The following PGAP1 variants were observed in gnomAD, a reference collection of about 807,000 sequenced individuals.
The protein encoded by PGAP1 is GPI inositol-deacylase.
Under a neutral mutation model 127.0 loss-of-function variants are expected in PGAP1, and 76 were observed. The ratio of observed to expected loss-of-function variants is 0.60; its 90% CI spans 0.50 to 0.72. The LOEUF is 0.72. Among genes scored for constraint, PGAP1 ranks in the 30% least tolerant of loss-of-function variants. The pLI, the probability that PGAP1 is intolerant of heterozygous loss-of-function variation, is 0.00. For synonymous variants in PGAP1, 362 were observed against 366.5 expected, an observed-to-expected ratio of 0.99 and a Z score of 0.14; for missense variants, 982 against 1,071.3, an observed-to-expected ratio of 0.92 and a Z score of 1.16.
intron 20 of PGAP1, among the ~76,000 whole-genome samples, chr2:196,860,153 T>C (rs566615970): frequency 1.6e-4 from 24 of 152,296 alleles, no homozygotes; most frequent in African/African-American, 5.5e-4. Flanking sequence ...TTGTTTTTTT[T>C]TGAACTCAGT....
rs374426820 is a variant in PGAP1 at position 196,916,529 on chromosome 2, G to C, written c.366C>G (p.Asp122Glu). The change falls in exon 3 of 27, where the codon GAC (aspartate) becomes GAG (glutamate). Residue 122 changes from aspartate to glutamate, a missense_variant. Transcript: ENST00000354764. ...CTTCATTGAAGTTCACACTAAAGAA[G>C]TCAAAGTGGTACTTGAAGTCAATGT... ...AEDIDFKYHFDFFSVNFNEEL... is the reference protein window; with the variant it reads ...AEDIDFKYHFEFFSVNFNEEL... 6.2e-7 allele frequency: 1 copy of C among 1,613,532 alleles called. No homozygotes were observed. The highest frequency in any genetic ancestry group is 8.5e-7 in the Non-Finnish European group (1 of 1,179,742).
At chr2:196,889,430 ATCTTGGT>A in intron 10 of PGAP1, among the ~76,000 whole-genome samples, 1 of 152,190 alleles carries the variant, frequency 6.6e-6, no homozygotes, top group South Asian at 2.1e-4. Context: ...AAAGTAATAG[ATCTTGGT>A]TCTAAATAAA....
At chr2:196,895,250 C>T (rs1030452753) in intron 7 of PGAP1, among the ~76,000 whole-genome samples, 2 of 152,114 alleles carry the variant, frequency 1.3e-5, no homozygotes, top group African/African-American at 4.8e-5. Flanking sequence ...GTTCTTTTCT[C>T]ATCTTACAAG....
chr2:196,926,437 G>A, intron 1 of PGAP1, 33 bp downstream of exon 1: 5 of 1,613,438 alleles, frequency 3.1e-6, no homozygotes, highest in Non-Finnish European at 3.4e-6. Context: ...CAGAGTCTTG[G>A]AGCGCCCGGC....
chr2:196,902,404 C>CATTCATTT (rs1488687875), intron 5 of PGAP1, among the ~76,000 whole-genome samples, 181 bp downstream of exon 5: 2 of 152,040 alleles, frequency 1.3e-5, no homozygotes, highest in Non-Finnish European at 2.9e-5. Flanking sequence ...CATATTCATT[C>CATTCATTT]ATTCATTCAT....
At chr2:196,897,630 C>T (rs1471367212) in intron 6 of PGAP1, among the ~76,000 whole-genome samples, 2 of 152,112 alleles carry the variant, frequency 1.3e-5, no homozygotes, top group Non-Finnish European at 2.9e-5. Flanking sequence ...AAATCTAATC[C>T]CTACTTGGTT....
In PGAP1 at chr2:196,845,994, A is replaced by G. The variant is rs758283563; in HGVS notation, c.2174T>C (p.Ile725Thr). 2 of 1,598,216 alleles carry G rather than the reference A, an allele frequency of 1.3e-6. No homozygotes were observed. Among genetic ancestry groups the G allele is most frequent in the Non-Finnish European group, 8.6e-7 (1 of 1,168,956 alleles). ...LKRPSELPKD[I>T]KMISPDLPFL... ...GGGCAAGTCTGGTGATATCATCTTG[A>G]TATCTTTAGGAAGTTCAGAGGGTCT... Residue 725 changes from isoleucine to threonine, a missense_variant, in exon 23 of 27, where the codon ATC becomes ACC. By Grantham distance (89) the Ile-to-Thr change is moderately conservative. Coordinates refer to ENST00000354764, the MANE Select transcript of PGAP1 (RefSeq NM_024989.4).
At chr2:196,925,779 G>A (rs980379948) in intron 1 of PGAP1, among the ~76,000 whole-genome samples, 1 of 152,068 alleles carries the variant, frequency 6.6e-6, no homozygotes, top group African/African-American at 2.4e-5. Flanking sequence ...ACACAGGTAT[G>A]CACACACACA....
At chr2:196,864,300 G>C (rs1311634884) in intron 20 of PGAP1, among the ~76,000 whole-genome samples, 1 of 132,542 alleles carries the variant, frequency 7.5e-6, no homozygotes, top group Admixed American at 9.2e-5. Flanking sequence ...TGAGGCAGTA[G>C]AATCACATGA....
At chr2:196,847,458 C>CTT (rs3839045) in intron 21 of PGAP1, 178 of 136,264 alleles carry the variant, frequency 1.3e-3, no homozygotes, top group Middle Eastern at 3.1e-3. Flanking sequence ...GTAATATGTT[C>CTT]TTTTTTTTTT....
At position 196,840,531 on chromosome 2, in the gene PGAP1, T is replaced by C. The variant is rs1257594733; in HGVS notation, c.*703A>G. The C allele has an allele frequency of 3.9e-5, 6 of 152,162 alleles. No homozygotes were observed. The South Asian group carries it at 1.0e-3, about 26-fold the overall frequency. The allele number at this position is 152,162 out of a possible 1,614,324, so 9.4% of individuals were successfully genotyped here. On this transcript the variant is annotated 3_prime_UTR_variant, in exon 27 of 27. Coordinates refer to ENST00000354764, the MANE Select transcript of PGAP1 (RefSeq NM_024989.4). ...GCAGACCTCTTTAATAGTCTCCTGA[T>C]GTTCACCGAGAATATATAGTAAGAT...
At chr2:196,879,380 T>C (rs1011218018) in intron 13 of PGAP1, among the ~76,000 whole-genome samples, 1 of 152,136 alleles carries the variant, frequency 6.6e-6, no homozygotes, top group Non-Finnish European at 1.5e-5. Flanking sequence ...CCCTTCCCAA[T>C]AGTATGTAGC....
At chr2:196,912,587 A>T (rs1054775674) in intron 4 of PGAP1, among the ~76,000 whole-genome samples, 222 of 121,866 alleles carry the variant, frequency 1.8e-3, no homozygotes, top group Middle Eastern at 9.3e-3. Context: ...CTTTAAAAAA[A>T]AAAAAAAAAA....
At position 196,867,791 on chromosome 2, in the gene PGAP1, C is replaced by A. The variant is rs1022913308; in HGVS notation, c.1768-2711G>T. Among the ~76,000 whole-genome samples the A allele has an allele frequency of 5.3e-5, 8 of 152,096 alleles. No homozygotes were observed. The East Asian group carries it at 1.5e-3, about 29-fold the overall frequency. On this transcript the variant is annotated intron_variant, in intron 19 of 26. Transcript: ENST00000354764. ...TTACTATAAAAGTTGCAGAAAATTT[C>A]AGAAAATTCAGGGTCTCCCTAAAGT... is the stretch of plus-strand genomic sequence containing the variant.
chr2:196,896,140 T>C (rs1187920849), intron 7 of PGAP1, among the ~76,000 whole-genome samples: 1 of 152,196 alleles, frequency 6.6e-6, no homozygotes, highest in African/African-American at 2.4e-5. Flanking sequence ...AGTAATGTGA[T>C]AATCTGTAAA....
chr2:196,902,452 C>T (rs1405963818), intron 5 of PGAP1, 133 bp downstream of exon 5: 11 of 627,006 alleles, frequency 1.8e-5, no homozygotes, highest in East Asian at 5.8e-5. Context: ...CTCTTACACA[C>T]ATGCATGCCC....
At chr2:196,864,579 GAC>G (rs1255526809) in intron 20 of PGAP1, among the ~76,000 whole-genome samples, 1 of 151,904 alleles carries the variant, frequency 6.6e-6, no homozygotes, top group Non-Finnish European at 1.5e-5. Flanking sequence ...AATCTGGTTA[GAC>G]TCAAAGTTAT....
rs766749966 is a variant in PGAP1, at chr2:196,844,070, G to A, written c.2343C>T (p.Pro781=). The change falls in exon 25 of 27, where the codon CCC becomes CCT. Residue 781 remains proline, a synonymous_variant. Transcript: ENST00000354764. ...TTFKNSQPVN[P]KHSRRSEKKS... ...TCTTTTCACTTCTTCTAGAGTGTTT[G>A]GGATTCTATAAAACAATAAAGTAGA... 6.4e-7 allele frequency: 1 copy of A among 1,551,758 alleles called. No homozygotes were observed. Among genetic ancestry groups the A allele is most frequent in the Non-Finnish European group, 8.8e-7 (1 of 1,140,586 alleles).
At chr2:196,914,321 C>T (rs1055783451) in intron 3 of PGAP1, among the ~76,000 whole-genome samples, 1 of 152,116 alleles carries the variant, frequency 6.6e-6, no homozygotes, top group African/African-American at 2.4e-5. Flanking sequence ...TACAGCAAAA[C>T]TCTAAAAGCA....
Sources: gnomAD v4.1 joint callset for allele counts (sites outside exome capture counted in the v4.1 genomes callset) on GRCh38, gnomAD v4.1.1 for gene constraint, MANE v1.5 for transcripts, NCBI Gene and HGNC (gene_info 2026-07-23, HGNC 2026-07-21) for gene names.